The following ARSB variants were observed in gnomAD, a reference collection of about 807,000 sequenced individuals.
The protein encoded by ARSB is arylsulfatase B, also known as N-acetylgalactosamine-4-sulfatase.
In ARSB, 41 loss-of-function variants were observed where a neutral mutation model predicts 50.9. The observed-to-expected ratio is 0.81, with a 90% CI of 0.63 to 1.04. The LOEUF is 1.04. Among genes scored for constraint, ARSB ranks in the 50% least tolerant of loss-of-function variants. The pLI, the probability that ARSB is intolerant of heterozygous loss-of-function variation, is 0.00. For synonymous variants in ARSB, 269 were observed against 284.8 expected, an observed-to-expected ratio of 0.94 and a Z score of 0.56; for missense variants, 672 against 693.3, an observed-to-expected ratio of 0.97 and a Z score of 0.35.
intron 6 of ARSB, among the ~76,000 whole-genome samples, chr5:78,797,032 T>C (rs1179613989): frequency 6.6e-6 from 1 of 151,888 alleles, no homozygotes; most frequent in Admixed American, 6.6e-5. Flanking sequence ...CGCCCGCCAC[T>C]ATGCCTGGCT....
intron 4 of ARSB, among the ~76,000 whole-genome samples, chr5:78,906,838 A>C (rs1348873355): frequency 6.6e-6 from 1 of 152,206 alleles, no homozygotes; most frequent in Non-Finnish European, 1.5e-5. Context: ...GAATGGGCTA[A>C]GGGAACTTGT....
chr5:78,907,003 A>G (rs337853), intron 4 of ARSB, among the ~76,000 whole-genome samples: 60,177 of 152,118 alleles, frequency 0.4, 12,090 homozygotes, highest in East Asian at 0.55. Flanking sequence ...ACAGGGGTTC[A>G]ACACATGGTC....
intron 6 of ARSB, among the ~76,000 whole-genome samples, chr5:78,824,832 T>C (rs1217221421): frequency 6.6e-6 from 1 of 152,232 alleles, no homozygotes; most frequent in Non-Finnish European, 1.5e-5. Context: ...CTCTTGGTTT[T>C]CAGTCAGGTT....
chr5:78,952,635 C>A (rs1461098547), intron 4 of ARSB, among the ~76,000 whole-genome samples: 5 of 152,218 alleles, frequency 3.3e-5, no homozygotes, highest in African/African-American at 1.2e-4. Flanking sequence ...CCAGACCCAG[C>A]CTCCCATGCA....
At chr5:78,904,685 C>CTTTT (rs55920994) in intron 4 of ARSB, among the ~76,000 whole-genome samples, 182 of 98,876 alleles carry the variant, frequency 1.8e-3, no homozygotes, top group Non-Finnish European at 2.6e-3. Flanking sequence ...TTCTTTCTTT[C>CTTTT]TTTTTTTTTT....
intron 6 of ARSB, among the ~76,000 whole-genome samples, chr5:78,826,192 G>A (rs530043307): frequency 1.3e-5 from 2 of 152,038 alleles, no homozygotes; most frequent in South Asian, 4.1e-4. Context: ...GACTACAGGC[G>A]TGCACCACCA....
chr5:78,940,110 C>T (rs1472215920), intron 4 of ARSB, among the ~76,000 whole-genome samples: 1 of 152,136 alleles, frequency 6.6e-6, no homozygotes, highest in Non-Finnish European at 1.5e-5. Context: ...ATATCCTTCG[C>T]CCACTTTTTG....
intron 4 of ARSB, among the ~76,000 whole-genome samples, chr5:78,943,965 C>T (rs1314132725): frequency 1.3e-5 from 2 of 152,304 alleles, no homozygotes; most frequent in South Asian, 2.1e-4. Flanking sequence ...TTCATGGAGG[C>T]TTTGTTCGTT....
intron 2 of ARSB, among the ~76,000 whole-genome samples, chr5:78,968,604 C>T (rs1752313546): frequency 6.6e-6 from 1 of 152,252 alleles, no homozygotes; most frequent in South Asian, 2.1e-4. Context: ...CTGCTTCGGC[C>T]TCCCAAAGTG....
chr5:78,808,087 C>T (rs1277753608), intron 6 of ARSB, among the ~76,000 whole-genome samples: 8 of 86,588 alleles, frequency 9.2e-5, no homozygotes, highest in East Asian at 2.8e-4. Context: ...AGCGAGACTC[C>T]GTCTCAAAAA....
intron 6 of ARSB, among the ~76,000 whole-genome samples, chr5:78,823,434 T>C (rs1290500527): frequency 3.9e-5 from 6 of 152,210 alleles, no homozygotes; most frequent in Non-Finnish European, 5.9e-5. Flanking sequence ...TAAAACTCTT[T>C]CTGGGGACTT....
Position 78,780,451 on chromosome 5 carries a change from T to C in ARSB, c.1548A>G (p.Ala516=), listed in dbSNP as rs1158401003. ...CCTTGGGATCACAGCGGGGGTCCTG[T>C]GCAGGGAAGTACACGGGGACTGAGT... The part of the protein sequence containing the change: ...HKHSVPVYFP[A]QDPRCDPKAT... Residue 516 remains alanine, a synonymous_variant, in exon 8 of 8, where the codon GCA becomes GCG. Transcript: ENST00000264914. 6.2e-7 allele frequency: 1 copy of C among 1,614,012 alleles called. No individual in the cohort carries two copies. Among genetic ancestry groups the C allele is most frequent in the Non-Finnish European group, 8.5e-7 (1 of 1,180,028 alleles).
chr5:78,881,006 T>C (rs1269098181), intron 5 of ARSB, among the ~76,000 whole-genome samples: 1 of 152,116 alleles, frequency 6.6e-6, no homozygotes, highest in East Asian at 1.9e-4. Context: ...CCAAGGCAGG[T>C]GGATCACTTG....
intron 6 of ARSB, among the ~76,000 whole-genome samples, chr5:78,821,392 C>T (rs564202380): frequency 6.6e-6 from 1 of 152,324 alleles, no homozygotes; most frequent in South Asian, 2.1e-4. Context: ...CCCACCTCAG[C>T]CTCCCAAAGT....
intron 2 of ARSB, among the ~76,000 whole-genome samples, chr5:78,966,411 T>A (rs1276327842): frequency 6.6e-6 from 1 of 152,234 alleles, no homozygotes; most frequent in Non-Finnish European, 1.5e-5. Flanking sequence ...TGATGCTTTA[T>A]GTACCAGCTG....
At chr5:78,900,708 C>A (rs915374073) in intron 4 of ARSB, among the ~76,000 whole-genome samples, 1 of 152,052 alleles carries the variant, frequency 6.6e-6, no homozygotes, top group African/African-American at 2.4e-5. Flanking sequence ...ATTTTGAAAT[C>A]CTGCATTCCT....
At chr5:78,911,626 ATT>A (rs1749318149) in intron 4 of ARSB, among the ~76,000 whole-genome samples, 1 of 148,022 alleles carries the variant, frequency 6.8e-6, no homozygotes, top group African/African-American at 2.5e-5. Context: ...AACTTGGGCA[ATT>A]AGAAACTTGA....
chr5:78,960,034 G>A (rs946899655), intron 3 of ARSB, among the ~76,000 whole-genome samples: 6 of 152,156 alleles, frequency 3.9e-5, no homozygotes, highest in Non-Finnish European at 7.3e-5. Context: ...CTTTTTCTTA[G>A]GTCCAGATCC....
chr5:78,930,040 G>T (rs1750247913), intron 4 of ARSB, among the ~76,000 whole-genome samples: 1 of 152,152 alleles, frequency 6.6e-6, no homozygotes, highest in Admixed American at 6.5e-5. Context: ...TCACAGATGT[G>T]ATCTGAATGC....
Sources: gnomAD v4.1 joint callset for allele counts (sites outside exome capture counted in the v4.1 genomes callset) on GRCh38, gnomAD v4.1.1 for gene constraint, MANE v1.5 for transcripts, NCBI Gene and HGNC (gene_info 2026-07-23, HGNC 2026-07-21) for gene names.